DCN: variants seen among roughly 807,000 people sequenced by gnomAD.
DCN encodes bone proteoglycan II.
DCN carries 17 observed loss-of-function variants against 36.5 expected under a neutral mutation model. That is an observed-to-expected ratio of 0.47 (90% CI 0.32 to 0.70). DCN has a LOEUF of 0.70. Among genes scored for constraint, DCN ranks in the 30% least tolerant of loss-of-function variants. DCN has a pLI of 0.04. For synonymous variants in DCN, 163 were observed against 161.4 expected (o/e 1.01, Z -0.07); for missense variants, 389 against 430.1 (o/e 0.90, Z 0.84).
intron 3 of DCN, among the ~76,000 whole-genome samples, chr12:91,159,686 G>A (rs1592689978): frequency 1.3e-5 from 2 of 151,576 alleles, no homozygotes; most frequent in South Asian, 4.2e-4. Flanking sequence ...CCTTATATAA[G>A]AAATTACCTC....
intron 1 of DCN, among the ~76,000 whole-genome samples, chr12:91,181,161 AATGT>A (rs984563009): frequency 2.7e-5 from 4 of 148,984 alleles, no homozygotes; most frequent in Non-Finnish European, 6.0e-5. Context: ...AGAGAGAGAG[AATGT>A]ATGTGTGTGT....
At chr12:91,150,808 C>A (rs1040387072) in intron 7 of DCN, 2 of 152,128 alleles carry the variant, frequency 1.3e-5, no homozygotes, top group African/African-American at 4.8e-5. Context: ...TTTATTGCAG[C>A]ACTATTTTAC....
intron 3 of DCN, among the ~76,000 whole-genome samples, chr12:91,161,115 T>G (rs904559348): frequency 1.3e-5 from 2 of 152,192 alleles, no homozygotes; most frequent in Admixed American, 6.5e-5. Flanking sequence ...CTTAACATCC[T>G]CTGAATGGTT....
chr12:91,174,931 C>T (rs1431764984), intron 2 of DCN, among the ~76,000 whole-genome samples: 1 of 152,094 alleles, frequency 6.6e-6, no homozygotes, highest in African/African-American at 2.4e-5. Flanking sequence ...TACCTGGTGA[C>T]ACTTGATCCA....
intron 2 of DCN, among the ~76,000 whole-genome samples, chr12:91,178,029 A>G (rs1883398711): frequency 6.6e-6 from 1 of 152,130 alleles, no homozygotes. Context: ...AGAACATAAG[A>G]CTTTTTTAAT....
At chr12:91,178,283 T>C (rs2121326519) in intron 2 of DCN, 59 bp downstream of exon 2, 2 of 1,431,938 alleles carry the variant, frequency 1.4e-6, no homozygotes, top group Non-Finnish European at 9.8e-7. Flanking sequence ...ACTCTCAGAG[T>C]TGCCATTCCC....
At position 91,163,343 on chromosome 12, in the gene DCN, A is replaced by G. The variant is rs1329905226; in HGVS notation, c.324+1262T>C. The stretch of plus-strand genomic sequence containing the variant: ...TTTGCCCTTTTTTGGCCCTTCTTCA[A>G]GTCCTGGGAAGCTGACCTCTGGGGA... On this transcript the variant is annotated intron_variant, in intron 3 of 7. Transcript: ENST00000052754. 3.9e-5 allele frequency among the ~76,000 whole-genome samples: 6 copies of G among 152,150 alleles called. No homozygotes were observed. In the East Asian group the frequency reaches 1.2e-3, roughly 29 times the overall value.
intron 1 of DCN, among the ~76,000 whole-genome samples, chr12:91,181,437 G>C (rs546592077): frequency 2.0e-5 from 3 of 151,952 alleles, no homozygotes; most frequent in African/African-American, 7.3e-5. Context: ...AGCTGTCCAA[G>C]TAGTAACCAA....
intron 3 of DCN, among the ~76,000 whole-genome samples, chr12:91,162,208 G>C (rs931534660): frequency 6.6e-6 from 1 of 151,838 alleles, no homozygotes; most frequent in African/African-American, 2.4e-5. Flanking sequence ...CAAAGTCCTG[G>C]GATTACAGGC....
rs572759605 is a variant in DCN, at chr12:91,166,424, T to C, written c.212-1707A>G. ...CGGAAATGTCAATTTGCTAATTTCA[T>C]GCAATTAGGAATGGTAGATTTCTGC... On this transcript the variant is annotated intron_variant, in intron 2 of 7. Coordinates refer to ENST00000052754, the MANE Select transcript of DCN (RefSeq NM_001920.5). 1.2e-3 allele frequency among the ~76,000 whole-genome samples: 181 copies of C among 152,318 alleles called. 1 individual carries two copies. Among genetic ancestry groups the C allele is most frequent in the Admixed American group, 2.7e-3 (42 of 15,308 alleles).
intron 2 of DCN, among the ~76,000 whole-genome samples, chr12:91,174,425 AATAAGT>A (rs910418990): frequency 3.9e-5 from 6 of 152,158 alleles, no homozygotes; most frequent in Admixed American, 2.6e-4. Context: ...AATTGAGAAT[AATAAGT>A]ATAAGTCATT....
intron 3 of DCN, among the ~76,000 whole-genome samples, chr12:91,162,125 G>A (rs1416752642): frequency 1.3e-5 from 2 of 151,988 alleles, no homozygotes; most frequent in South Asian, 4.2e-4. Context: ...ATTTTCAGTA[G>A]AGACAGGGTT....
chr12:91,177,559 A>T, intron 2 of DCN: 1 of 702,148 alleles, frequency 1.4e-6, no homozygotes, highest in Non-Finnish European at 2.6e-6. Context: ...CCATCCACTG[A>T]GCTTCAATCT....
At chr12:91,149,575 T>C (rs1172969948) in intron 7 of DCN, among the ~76,000 whole-genome samples, 1 of 152,152 alleles carries the variant, frequency 6.6e-6, no homozygotes, top group Non-Finnish European at 1.5e-5. Flanking sequence ...TTGTTCAACA[T>C]TGCACTGGCG....
chr12:91,162,180 C>A (rs1882200675), intron 3 of DCN, among the ~76,000 whole-genome samples: 2 of 152,078 alleles, frequency 1.3e-5, no homozygotes, highest in Admixed American at 1.3e-4. Context: ...ACCTTGTGAT[C>A]CACCCGCCTT....
chr12:91,175,296 T>C (rs1305853663), intron 2 of DCN: 2 of 151,042 alleles, frequency 1.3e-5, no homozygotes, highest in South Asian at 2.1e-4. Flanking sequence ...TTGGCCAATA[T>C]CTATGAGGAA....
rs1880918946 is a variant in DCN at position 91,144,906 on chromosome 12, T to C, written c.*1152A>G. The C allele has an allele frequency of 1.3e-5, 2 of 152,344 alleles. No homozygotes were observed. The highest frequency in any genetic ancestry group is 2.9e-5 in the Non-Finnish European group (2 of 68,026). The allele number at this position is 152,344 out of a possible 1,614,324, so 9.4% of individuals were successfully genotyped here. A position where few individuals can be genotyped will look rare whatever the true frequency, so the allele number is the denominator to read the frequency against. On this transcript the variant is annotated 3_prime_UTR_variant, in exon 8 of 8. Coordinates refer to ENST00000052754, the MANE Select transcript of DCN (RefSeq NM_001920.5). ...TTCTATGACAAAATTTAGTCCACCATATTTCAATTATTTGCTATACTTAAT... is the reference window on the plus strand; with the variant it reads ...TTCTATGACAAAATTTAGTCCACCACATTTCAATTATTTGCTATACTTAAT...
At chr12:91,156,112 A>C (rs1035597527) in intron 5 of DCN, among the ~76,000 whole-genome samples, 2 of 152,164 alleles carry the variant, frequency 1.3e-5, no homozygotes, top group Non-Finnish European at 2.9e-5. Flanking sequence ...AGAGGAATTT[A>C]TTATTGGTGG....
chr12:91,156,205 C>T (rs1881755528), intron 5 of DCN, among the ~76,000 whole-genome samples: 1 of 152,242 alleles, frequency 6.6e-6, no homozygotes, highest in Middle Eastern at 3.4e-3. Context: ...ACCCTTGTGG[C>T]TATGTGGTCA....
Sources: allele counts gnomAD v4.1 joint callset (sites outside exome capture counted in the v4.1 genomes callset), GRCh38; gene constraint gnomAD v4.1.1; transcripts MANE v1.5; gene names NCBI Gene and HGNC (gene_info 2026-07-23, HGNC 2026-07-21).